Variants in NOL10 observed in about 807,000 individuals in gnomAD.
NOL10 encodes nucleolar protein 10.
Under a neutral mutation model 103.5 loss-of-function variants are expected in NOL10, and 58 were observed. The ratio of observed to expected loss-of-function variants is 0.56; its 90% CI spans 0.45 to 0.70. NOL10 has a LOEUF of 0.70. Ranked by LOEUF, NOL10 falls within the 30% of genes least tolerant of loss-of-function variation. The probability of loss-of-function intolerance (pLI) is 0.00; values close to 1 mark genes in which losing one functional copy is unlikely to be tolerated. For synonymous variants in NOL10, 287 were observed against 282.5 expected (o/e 1.02, Z -0.16); for missense variants, 763 against 807.3 (o/e 0.95, Z 0.67).
chr2:10,612,563 C>T (rs927719225), intron 13 of NOL10, among the ~76,000 whole-genome samples: 2 of 152,070 alleles, frequency 1.3e-5, no homozygotes, highest in African/African-American at 2.4e-5. Flanking sequence ...AGTACAGTGG[C>T]GTGATTTAGG....
chr2:10,608,847 C>G (rs943993987), intron 13 of NOL10, among the ~76,000 whole-genome samples: 2 of 152,098 alleles, frequency 1.3e-5, no homozygotes, highest in African/African-American at 4.8e-5. Context: ...ATGAAAAAAA[C>G]TCGAGCATAT....
chr2:10,606,500 C>T (rs928223529), intron 14 of NOL10, among the ~76,000 whole-genome samples: 3 of 149,274 alleles, frequency 2.0e-5, no homozygotes, highest in South Asian at 2.1e-4. Flanking sequence ...CCCAGCTACT[C>T]GGGAGGTTGA....
chr2:10,574,376 G>A (rs1431020474), intron 20 of NOL10, among the ~76,000 whole-genome samples: 2 of 152,298 alleles, frequency 1.3e-5, no homozygotes, highest in South Asian at 4.1e-4. Flanking sequence ...GGCCAGATGT[G>A]GTGGCTTACA....
intron 4 of NOL10, among the ~76,000 whole-genome samples, chr2:10,675,108 T>C (rs1681212938): frequency 6.6e-6 from 1 of 151,766 alleles, no homozygotes; most frequent in African/African-American, 2.4e-5. Flanking sequence ...GAGGCTAAGG[T>C]AGGAGGATCA....
At chr2:10,609,752 A>G (rs1387140871) in intron 13 of NOL10, among the ~76,000 whole-genome samples, 2 of 152,214 alleles carry the variant, frequency 1.3e-5, no homozygotes, top group Admixed American at 1.3e-4. Flanking sequence ...AAGCTCTATC[A>G]GATAATGGTG....
chr2:10,657,245 G>C (rs1327934168), intron 11 of NOL10, among the ~76,000 whole-genome samples: 1 of 152,040 alleles, frequency 6.6e-6, no homozygotes, highest in Non-Finnish European at 1.5e-5. Flanking sequence ...TTGAAACTGG[G>C]AGGCGGAGGT....
At chr2:10,682,590 G>A (rs1681856247) in intron 2 of NOL10, among the ~76,000 whole-genome samples, 1 of 151,788 alleles carries the variant, frequency 6.6e-6, no homozygotes, top group Admixed American at 6.6e-5. Context: ...TGTAGAGATG[G>A]GGTTTCGCCA....
intron 6 of NOL10, among the ~76,000 whole-genome samples, chr2:10,669,296 GC>G (rs1680760009): frequency 6.6e-6 from 1 of 150,894 alleles, no homozygotes; most frequent in Admixed American, 6.6e-5. Flanking sequence ...CACCATGTTG[GC>G]CAGGCTGGTC....
intron 12 of NOL10, among the ~76,000 whole-genome samples, chr2:10,652,755 C>G (rs1312041978): frequency 1.3e-5 from 2 of 152,164 alleles, no homozygotes; most frequent in African/African-American, 4.8e-5. Context: ...CCCACCACTT[C>G]TGGGATAATC....
chr2:10,655,714 T>C (rs1363868654), intron 11 of NOL10, among the ~76,000 whole-genome samples: 1 of 152,212 alleles, frequency 6.6e-6, no homozygotes, highest in Non-Finnish European at 1.5e-5. Context: ...ACTGTAGCAA[T>C]TACAGTGTGA....
intron 13 of NOL10, among the ~76,000 whole-genome samples, chr2:10,618,407 G>C (rs1676951370): frequency 6.6e-6 from 1 of 152,092 alleles, no homozygotes; most frequent in African/African-American, 2.4e-5. Context: ...GTCCTCTGCT[G>C]ATCACTGCTC....
chr2:10,621,558 C>T (rs1677149935), intron 13 of NOL10, among the ~76,000 whole-genome samples: 2 of 152,144 alleles, frequency 1.3e-5, no homozygotes, highest in Admixed American at 1.3e-4. Flanking sequence ...CAGGACACTG[C>T]ACTCCAGCCT....
Position 10,658,586 on chromosome 2 carries a change from T to C in NOL10, c.756+586A>G, listed in dbSNP as rs1679994917. Among the ~76,000 whole-genome samples the C allele has an allele frequency of 2.6e-5, 4 of 151,800 alleles. No homozygotes were observed. The South Asian group carries it at 8.3e-4, about 32-fold the overall frequency. On this transcript the variant is annotated intron_variant, in intron 10 of 20. Transcript: ENST00000381685. ...TGATGCTATATTAAAAAAAAAAAAG[T>C]TCCTTGAACACACAAATTTTGGAAA...
At chr2:10,620,954 C>T (rs1677107712) in intron 13 of NOL10, among the ~76,000 whole-genome samples, 1 of 152,042 alleles carries the variant, frequency 6.6e-6, no homozygotes, top group African/African-American at 2.4e-5. Flanking sequence ...CACAATAATG[C>T]CAGGCGAATT....
At chr2:10,635,797 G>T (rs1390386597) in intron 13 of NOL10, among the ~76,000 whole-genome samples, 2 of 152,176 alleles carry the variant, frequency 1.3e-5, no homozygotes, top group African/African-American at 2.4e-5. Context: ...ACAAGCACTT[G>T]TTGGTCTCCT....
chr2:10,597,905 G>C (rs1468322154), intron 17 of NOL10, among the ~76,000 whole-genome samples: 1 of 152,178 alleles, frequency 6.6e-6, no homozygotes, highest in Non-Finnish European at 1.5e-5. Flanking sequence ...TTTACAGGGT[G>C]ACCCACCAAT....
intron 3 of NOL10, among the ~76,000 whole-genome samples, chr2:10,680,703 G>A (rs1464507585): frequency 6.6e-6 from 1 of 152,138 alleles, no homozygotes; most frequent in African/African-American, 2.4e-5. Flanking sequence ...TTAACACAAA[G>A]CAAAAGAGAC....
At position 10,671,451 on chromosome 2, in the gene NOL10, A is replaced by G. The variant is rs1259215060; in HGVS notation, c.464+103T>C. On this transcript the variant is annotated intron_variant, in intron 6 of 20. Transcript: ENST00000381685. ...TACAAGAGCCACGTATCACTTTTTT[A>G]TTAAAGCAAGTTACCTAAACAGAGA... 1.6e-5 allele frequency: 13 copies of G among 813,222 alleles called. No homozygotes were observed. The East Asian group carries it at 5.0e-4, about 32-fold the overall frequency. The allele number at this position is 813,222 out of a possible 1,614,324, so 50.4% of individuals were successfully genotyped here. A position where few individuals can be genotyped will look rare whatever the true frequency, so the allele number is the denominator to read the frequency against.
chr2:10,645,780 C>T (rs879654255), intron 12 of NOL10, among the ~76,000 whole-genome samples: 11 of 152,036 alleles, frequency 7.2e-5, no homozygotes, highest in African/African-American at 1.7e-4. Context: ...CCGCCCGCCT[C>T]GGCCTCCCAA....
Sources: gnomAD v4.1 joint callset for allele counts (sites outside exome capture counted in the v4.1 genomes callset) on GRCh38, gnomAD v4.1.1 for gene constraint, MANE v1.5 for transcripts, NCBI Gene and HGNC (gene_info 2026-07-23, HGNC 2026-07-21) for gene names.